ADGRV1: variants seen among roughly 807,000 people sequenced by gnomAD.
The protein encoded by ADGRV1 is G-protein coupled receptor 98.
A neutral mutation model predicts 596.2 loss-of-function variants in ADGRV1; 359 were observed. The ratio of observed to expected loss-of-function variants is 0.60; its 90% CI spans 0.55 to 0.66. ADGRV1 has a LOEUF of 0.66. Ranked by LOEUF, ADGRV1 falls within the 30% of genes least tolerant of loss-of-function variation. The pLI, the probability that ADGRV1 is intolerant of heterozygous loss-of-function variation, is 0.00. For missense variants in ADGRV1, 7,274 were observed against 7,575.6 expected (o/e 0.96, Z 1.48); for synonymous variants, 2,681 against 2,679.2 (o/e 1.00, Z -0.02).
chr5:90,799,158 G>T (rs1761076668), intron 70 of ADGRV1, among the ~76,000 whole-genome samples: 2 of 152,178 alleles, frequency 1.3e-5, no homozygotes, highest in South Asian at 4.1e-4. Context: ...CAGATGACAT[G>T]ATTGTATATT....
At chr5:90,565,831 T>C (rs1755566271) in intron 1 of ADGRV1, among the ~76,000 whole-genome samples, 1 of 152,194 alleles carries the variant, frequency 6.6e-6, no homozygotes, top group African/African-American at 2.4e-5. Flanking sequence ...TTGATTTCTC[T>C]CTGTCTTTTT....
intron 83 of ADGRV1, among the ~76,000 whole-genome samples, chr5:90,865,554 T>C (rs888278024): frequency 3.9e-5 from 6 of 152,164 alleles, no homozygotes; most frequent in Non-Finnish European, 8.8e-5. Flanking sequence ...TTTTTCAGTA[T>C]ATTTTTAGAA....
At chr5:91,030,096 C>T (rs1784349705) in intron 85 of ADGRV1, among the ~76,000 whole-genome samples, 1 of 152,056 alleles carries the variant, frequency 6.6e-6, no homozygotes, top group Non-Finnish European at 1.5e-5. Flanking sequence ...TGTGGGTAAG[C>T]TCTCTCTTCT....
intron 87 of ADGRV1, among the ~76,000 whole-genome samples, chr5:91,138,035 G>A (rs60378516): frequency 0.038 from 5,791 of 152,164 alleles, 293 homozygotes; most frequent in African/African-American, 0.11. Flanking sequence ...TGTCGTTGCC[G>A]GTTGAGTGAA....
rs1170947228 is a variant in ADGRV1, at chr5:90,745,067, A to G, written c.10571A>G (p.Gln3524Arg). 4 of 1,613,596 alleles carry G rather than the reference A, an allele frequency of 2.5e-6. No individual in the cohort carries two copies. The highest frequency in any genetic ancestry group is 2.7e-5 in the African/African-American group (2 of 74,916). The change falls in exon 51 of 90, where the codon CAA (glutamine) becomes CGA (arginine). Residue 3524 changes from glutamine (Q) to arginine (R), a missense_variant. By Grantham distance (43) the Gln-to-Arg change is conservative. Transcript: ENST00000405460. ...SGIAHILLIG[Q>R]DMSALYCWNS... The stretch of plus-strand genomic sequence containing the variant: ...GCAGCCCACATACTTCTTATTGGCC[A>G]AGATATGTCTGCTCTTTACTGCTGG...
In ADGRV1 at chr5:90,810,264, A is replaced by G. The variant is rs1055361781; in HGVS notation, c.15004A>G (p.Met5002Val). The change falls in exon 74 of 90, where the codon ATG becomes GTG. Residue 5002 changes from methionine (M) to valine (V), a missense_variant. Transcript: ENST00000405460. ...TTTCATTGTTGCTGAAATTGAACCA[A>G]TGGGCGTCTTCCAATTTTCCACTAG... is the stretch of plus-strand genomic sequence containing the variant. ...SGFIVAEIEP[M>V]GVFQFSTSSR... 3.8e-6 allele frequency: 6 copies of G among 1,587,502 alleles called. No homozygotes were observed. In the African/African-American group the frequency reaches 6.7e-5, roughly 18 times the overall value.
At chr5:90,852,531 C>T (rs1465927112) in intron 79 of ADGRV1, among the ~76,000 whole-genome samples, 1 of 152,152 alleles carries the variant, frequency 6.6e-6, no homozygotes, top group Non-Finnish European at 1.5e-5. Flanking sequence ...ATCTGATTCT[C>T]TGGGGGACTG....
intron 72 of ADGRV1, 91 bp downstream of exon 72, chr5:90,805,549 A>G: frequency 9.2e-7 from 1 of 1,091,688 alleles, no homozygotes; most frequent in South Asian, 2.2e-5. Context: ...TATTCTGGAC[A>G]CTAAATGTAG....
intron 85 of ADGRV1, among the ~76,000 whole-genome samples, chr5:91,069,588 T>C (rs1339715135): frequency 6.6e-6 from 1 of 152,102 alleles, no homozygotes; most frequent in African/African-American, 2.4e-5. Flanking sequence ...AGAATGGTCA[T>C]TATTAAAAAG....
intron 83 of ADGRV1, among the ~76,000 whole-genome samples, chr5:90,944,083 G>A (rs913541197): frequency 2.0e-5 from 3 of 152,250 alleles, no homozygotes; most frequent in African/African-American, 7.2e-5. Context: ...ATGAAGGCAA[G>A]CTTTAAGTCC....
At position 90,683,600 on chromosome 5, in the gene ADGRV1, T is replaced by C. The variant is rs753705896; in HGVS notation, c.5679T>C (p.His1893=). The C allele has an allele frequency of 5.6e-6, 9 of 1,600,354 alleles. No individual in the cohort carries two copies. Among genetic ancestry groups the C allele is most frequent in the Non-Finnish European group, 7.7e-6 (9 of 1,169,334 alleles). The part of the protein sequence containing the change: ...STVTLNVIRH[H]GTLSPVTLHW... The stretch of plus-strand genomic sequence containing the variant: ...GTATTTTGTAGGTTATAAGACATCA[T>C]GGAACTCTGTCTCCAGTGACTTTGC... Residue 1893 remains histidine (H), a synonymous_variant, in exon 28 of 90, where the codon CAT becomes CAC. Coordinates refer to ENST00000405460, the MANE Select transcript of ADGRV1 (RefSeq NM_032119.4).
In ADGRV1 at chr5:91,163,837, C is replaced by T. The variant is rs1006984144; in HGVS notation, c.18858C>T (p.Gly6286=). Residue 6286 remains glycine (G), a synonymous_variant, in exon 90 of 90, where the codon GGC becomes GGT. Transcript: ENST00000405460. ...NESGQGSQEG[G]TLTDSQIVEL... ...CTGGTCAAGGCAGCCAGGAGGGGGG[C>T]ACCTTGACTGACTCCCAGATCGTGG... 1.2e-6 allele frequency: 2 copies of T among 1,606,906 alleles called. No individual in the cohort carries two copies. The highest frequency in any genetic ancestry group is 1.3e-5 in the African/African-American group (1 of 74,892).
At chr5:91,149,579 C>G (rs1252513364) in intron 87 of ADGRV1, among the ~76,000 whole-genome samples, 1 of 152,010 alleles carries the variant, frequency 6.6e-6, no homozygotes, top group African/African-American at 2.4e-5. Flanking sequence ...CACCTGTAAT[C>G]CCAGCACTTT....
chr5:90,716,786 A>C, intron 43 of ADGRV1, 57 bp downstream of exon 43: 1 of 1,394,388 alleles, frequency 7.2e-7, no homozygotes, highest in Non-Finnish European at 9.9e-7. Context: ...TACAAAATAA[A>C]TTTCTCTTAG....
At chr5:90,565,128 T>C (rs1755467647) in intron 1 of ADGRV1, among the ~76,000 whole-genome samples, 1 of 152,106 alleles carries the variant, frequency 6.6e-6, no homozygotes, top group African/African-American at 2.4e-5. Context: ...TGCCAACTAC[T>C]TGGGAGGCTG....
At chr5:90,865,749 T>C (rs1211468465) in intron 83 of ADGRV1, among the ~76,000 whole-genome samples, 2 of 152,098 alleles carry the variant, frequency 1.3e-5, no homozygotes, top group African/African-American at 4.8e-5. Flanking sequence ...AGAATAGTTA[T>C]CTCCCTTAAA....
chr5:90,972,412 C>A (rs566451040), intron 84 of ADGRV1, among the ~76,000 whole-genome samples: 2 of 152,162 alleles, frequency 1.3e-5, no homozygotes, highest in South Asian at 2.1e-4. Context: ...CTTCTCAGCA[C>A]CACATCGCAC....
chr5:90,959,877 C>T (rs369768660), intron 83 of ADGRV1, among the ~76,000 whole-genome samples: 39 of 152,256 alleles, frequency 2.6e-4, no homozygotes, highest in East Asian at 2.3e-3. Flanking sequence ...CAGTGGCTCA[C>T]GCCTGTAATC....
At chr5:91,069,658 G>T (rs72784652) in intron 85 of ADGRV1, among the ~76,000 whole-genome samples, 5,800 of 152,264 alleles carry the variant, frequency 0.038, 158 homozygotes, top group Non-Finnish European at 0.056. Flanking sequence ...TGCACTATTG[G>T]TGTGAATATA....
Sources: gnomAD v4.1 joint callset for allele counts (sites outside exome capture counted in the v4.1 genomes callset) on GRCh38, gnomAD v4.1.1 for gene constraint, MANE v1.5 for transcripts, NCBI Gene and HGNC (gene_info 2026-07-23, HGNC 2026-07-21) for gene names.